The following TPCN1 variants were observed in gnomAD, a reference collection of about 807,000 sequenced individuals.
TPCN1 encodes the protein two pore channel protein 1.
A neutral mutation model predicts 108.8 loss-of-function variants in TPCN1; 52 were observed. The ratio of observed to expected loss-of-function variants is 0.48; its 90% CI spans 0.38 to 0.60. The LOEUF is 0.60. TPCN1 is among the 20% of genes least tolerant of loss of function. TPCN1 has a pLI of 0.00. For synonymous variants in TPCN1, 446 were observed against 433.7 expected (o/e 1.03, Z -0.35); for missense variants, 806 against 1,072.8 (o/e 0.75, Z 3.47).
intron 2 of TPCN1, among the ~76,000 whole-genome samples, chr12:113,235,233 T>C (rs1953839519): frequency 6.6e-6 from 1 of 152,246 alleles, no homozygotes; most frequent in Admixed American, 6.5e-5. Context: ...AAGGGAGATT[T>C]GAAGCCAGAG....
intron 2 of TPCN1, among the ~76,000 whole-genome samples, chr12:113,230,702 C>T (rs1013071852): frequency 6.6e-5 from 10 of 152,244 alleles, no homozygotes; most frequent in African/African-American, 1.7e-4. Context: ...GTGATCTATC[C>T]GCCTTGGCCT....
chr12:113,284,903 C>A lies in TPCN1; in HGVS notation c.1453+132C>A. ...AAGAGACGGAGTAATCAGTCTGATTCCATCTCGTCCCCGTTTAAAACTCTT... is the reference window on the plus strand; with the variant it reads ...AAGAGACGGAGTAATCAGTCTGATTACATCTCGTCCCCGTTTAAAACTCTT... On this transcript the variant is annotated intron_variant, in intron 17 of 27. Coordinates refer to ENST00000335509, the MANE Select transcript of TPCN1 (RefSeq NM_017901.6). The surrounding 1 kb of genome is among the most constrained non-coding windows in gnomAD (Gnocchi z 4.1). 9.9e-7 allele frequency: 1 copy of A among 1,014,562 alleles called. No individual in the cohort carries two copies. Among genetic ancestry groups the A allele is most frequent in the Non-Finnish European group, 1.5e-6 (1 of 665,120 alleles). The allele number at this position is 1,014,562 out of a possible 1,614,324, so 62.8% of individuals were successfully genotyped here. A position where few individuals can be genotyped will look rare whatever the true frequency, so the allele number is the denominator to read the frequency against.
intron 18 of TPCN1, 51 bp from the exon 19 acceptor site, chr12:113,286,936 G>A (rs1205652989): frequency 8.7e-6 from 12 of 1,380,698 alleles, no homozygotes; most frequent in Non-Finnish European, 1.2e-5. Flanking sequence ...GGGAGCAGGC[G>A]CAGGTAGGCT....
intron 2 of TPCN1, among the ~76,000 whole-genome samples, chr12:113,255,432 G>A (rs1954796652): frequency 6.6e-6 from 1 of 151,918 alleles, no homozygotes. Context: ...ATATTCATGG[G>A]TTTTTAAGAG....
At chr12:113,277,711 C>A (rs930867992) in intron 12 of TPCN1, among the ~76,000 whole-genome samples, 1 of 152,182 alleles carries the variant, frequency 6.6e-6, no homozygotes, top group African/African-American at 2.4e-5. Flanking sequence ...CCTGCACACA[C>A]CTGGCTCGGC....
chr12:113,226,405 C>T (rs1371833388), intron 1 of TPCN1, among the ~76,000 whole-genome samples: 1 of 152,018 alleles, frequency 6.6e-6, no homozygotes, highest in Non-Finnish European at 1.5e-5. Flanking sequence ...CTCAGTTACC[C>T]GAGTACCTGG....
chr12:113,254,495 T>C (rs1954764837), intron 2 of TPCN1, among the ~76,000 whole-genome samples: 1 of 152,214 alleles, frequency 6.6e-6, no homozygotes, highest in Admixed American at 6.5e-5. Flanking sequence ...AGCTCAGGAA[T>C]GCAGGGTTGG....
Position 113,290,997 on chromosome 12 carries a change from T to C in TPCN1, c.1958T>C (p.Met653Thr). 6.2e-7 allele frequency: 1 copy of C among 1,613,704 alleles called. No individual in the cohort carries two copies. Among genetic ancestry groups the C allele is most frequent in the African/African-American group, 1.3e-5 (1 of 75,046 alleles). ...GTTGTCAACAACTGGTACATCATCA[T>C]GGTAAGAGCTCGGGCAGCTCTGGGG... ...LTVVNNWYIIMEGVTSQTSHW... is the reference protein window; with the variant it reads ...LTVVNNWYIITEGVTSQTSHW... The change falls in exon 23 of 28, where the codon ATG (methionine) becomes ACG (threonine). Residue 653 changes from methionine (M) to threonine (T), a missense_variant and splice_region_variant. Physicochemically the swap from Met to Thr is moderately conservative, Grantham distance 81. Coordinates refer to ENST00000335509, the MANE Select transcript of TPCN1 (RefSeq NM_017901.6).
In TPCN1 at chr12:113,269,128, C is replaced by T. The variant is rs1039269104; in HGVS notation, c.659+256C>T. 2.0e-5 allele frequency among the ~76,000 whole-genome samples: 3 copies of T among 152,216 alleles called. No individual in the cohort carries two copies. The highest frequency in any genetic ancestry group is 1.9e-4 in the East Asian group (1 of 5,196). ...CCGCAGCCTTCCAGAGCTGCTTCCT[C>T]GCTCTAGGCATGTTATCTACCCAAA... is the stretch of plus-strand genomic sequence containing the variant. On this transcript the variant is annotated intron_variant, in intron 6 of 27. Transcript: ENST00000335509. The surrounding 1 kb of genome is among the most constrained non-coding windows in gnomAD (Gnocchi z 5.0).
At chr12:113,245,203 A>C (rs1385340711) in intron 2 of TPCN1, among the ~76,000 whole-genome samples, 1 of 151,906 alleles carries the variant, frequency 6.6e-6, no homozygotes, top group African/African-American at 2.4e-5. Flanking sequence ...CAGGAGATAA[A>C]GGCTGCAGTG....
chr12:113,262,352 G>A (rs1242907612), intron 3 of TPCN1, among the ~76,000 whole-genome samples: 1 of 150,046 alleles, frequency 6.7e-6, no homozygotes, highest in Non-Finnish European at 1.5e-5. Context: ...TGAGGCTCCA[G>A]TGAGCCGTGT....
Position 113,267,221 on chromosome 12 carries a change from G to C in TPCN1, c.415-622G>C, listed in dbSNP as rs569207149. On this transcript the variant is annotated intron_variant, in intron 4 of 27. Coordinates refer to ENST00000335509, the MANE Select transcript of TPCN1 (RefSeq NM_017901.6). Reference sequence around the variant, plus strand: ...TGTCTTGTCCTTTTGTCCAAAATGAGGATGAGAGTTTTAGGGGCTGCTCTC... The same window carrying C: ...TGTCTTGTCCTTTTGTCCAAAATGACGATGAGAGTTTTAGGGGCTGCTCTC... Among the ~76,000 whole-genome samples the C allele has an allele frequency of 9.9e-5, 15 of 152,272 alleles. 1 individual carries two copies. In the South Asian group the frequency reaches 1.2e-3, roughly 13 times the overall value.
chr12:113,277,385 G>A, intron 12 of TPCN1, 21 bp downstream of exon 12: 1 of 1,613,692 alleles, frequency 6.2e-7, no homozygotes, highest in Non-Finnish European at 8.5e-7. Flanking sequence ...ATGCCTGGTA[G>A]GGGCAGCATG....
In TPCN1 at chr12:113,289,900, G is replaced by A. The variant is rs554816632; in HGVS notation, c.1797-228G>A. Reference sequence around the variant, plus strand: ...GACAACTTCCAGGTGACAGAGGTGGGTCAGGCTGGCCAGGGGATCCCGCCA... The same window carrying A: ...GACAACTTCCAGGTGACAGAGGTGGATCAGGCTGGCCAGGGGATCCCGCCA... On this transcript the variant is annotated intron_variant, in intron 21 of 27. Transcript: ENST00000335509. This position sits in a 1 kb window ranked among gnomAD's most constrained non-coding sequence, Gnocchi z 4.1. 137 of 497,136 alleles carry A rather than the reference G, an allele frequency of 2.8e-4. No individual in the cohort carries two copies. The highest frequency in any genetic ancestry group is 5.4e-4 in the Admixed American group (15 of 27,528). The allele number at this position is 497,136 out of a possible 1,614,324, so 30.8% of individuals were successfully genotyped here. A position where few individuals can be genotyped will look rare whatever the true frequency, so the allele number is the denominator to read the frequency against.
chr12:113,237,655 G>T (rs2136463250), intron 2 of TPCN1, among the ~76,000 whole-genome samples: 1 of 152,302 alleles, frequency 6.6e-6, no homozygotes, highest in Non-Finnish European at 1.5e-5. Flanking sequence ...CACCATGCCT[G>T]GCCAGTCCCT....
rs1235429871 is a variant in TPCN1 at position 113,232,976 on chromosome 12, C to T, written c.112+6012C>T. On this transcript the variant is annotated intron_variant, in intron 2 of 27. Coordinates refer to ENST00000335509, the MANE Select transcript of TPCN1 (RefSeq NM_017901.6). This position sits in a 1 kb window ranked among gnomAD's most constrained non-coding sequence, Gnocchi z 5.6. ...CCCACCGAGCTTGGGCATTTGGCTC[C>T]GCTGGAGTCATTCCCCTGGCTTTTT... Among the ~76,000 whole-genome samples, 2 of 152,342 alleles carry T rather than the reference C, an allele frequency of 1.3e-5. No homozygotes were observed. Among genetic ancestry groups the T allele is most frequent in the Non-Finnish European group, 2.9e-5 (2 of 68,032 alleles).
intron 2 of TPCN1, among the ~76,000 whole-genome samples, chr12:113,245,119 A>G (rs1425510100): frequency 1.3e-5 from 2 of 152,066 alleles, no homozygotes; most frequent in Non-Finnish European, 2.9e-5. Context: ...AATACAAAAA[A>G]TTAGCAGGGC....
At chr12:113,277,737 C>T (rs1428109618) in intron 12 of TPCN1, among the ~76,000 whole-genome samples, 2 of 152,148 alleles carry the variant, frequency 1.3e-5, no homozygotes, top group Non-Finnish European at 2.9e-5. Flanking sequence ...AGAACTGACC[C>T]GAGATCTCCA....
chr12:113,285,570 C>G (rs1408425023), intron 17 of TPCN1, among the ~76,000 whole-genome samples: 1 of 152,144 alleles, frequency 6.6e-6, no homozygotes, highest in Admixed American at 6.5e-5. Context: ...AAGATGGGGT[C>G]TCACTATGTT....
Sources: gnomAD v4.1 joint callset for allele counts (sites outside exome capture counted in the v4.1 genomes callset) on GRCh38, gnomAD v4.1.1 for gene constraint, Gnocchi (gnomAD v3.1) non-coding constraint, MANE v1.5 for transcripts, NCBI Gene and HGNC (gene_info 2026-07-23, HGNC 2026-07-21) for gene names.